The following ZNF385D variants were observed in gnomAD, a reference collection of about 807,000 sequenced individuals.
ZNF385D encodes zinc finger protein 659.
In ZNF385D, 15 loss-of-function variants were observed where a neutral mutation model predicts 35.8. That is an observed-to-expected ratio of 0.42 (90% CI 0.28 to 0.64). The LOEUF is 0.64. ZNF385D is among the 30% of genes least tolerant of loss of function. The pLI is 0.23. For missense variants in ZNF385D, 474 were observed against 494.6 expected, an observed-to-expected ratio of 0.96 and a Z score of 0.39; for synonymous variants, 212 against 186.8, an observed-to-expected ratio of 1.13 and a Z score of -1.10.
At chr3:22,329,238 G>A (rs1559523227) in intron 2 of ZNF385D, among the ~76,000 whole-genome samples, 1 of 150,296 alleles carries the variant, frequency 6.7e-6, no homozygotes, top group African/African-American at 2.4e-5. Context: ...GTGAGGTGTT[G>A]TTTATTTGAA....
intron 1 of ZNF385D, among the ~76,000 whole-genome samples, chr3:21,709,993 G>A (rs2068041142): frequency 6.6e-6 from 1 of 152,168 alleles, no homozygotes; most frequent in East Asian, 1.9e-4. Flanking sequence ...CACAAAACAT[G>A]GATGAATCTC....
At chr3:21,835,341 C>G (rs745785575) in intron 3 of ZNF385D, among the ~76,000 whole-genome samples, 3 of 151,674 alleles carry the variant, frequency 2.0e-5, no homozygotes, top group African/African-American at 7.3e-5. Flanking sequence ...AAATGGCTCA[C>G]GATCCTTCCA....
chr3:22,064,012 T>G lies in ZNF385D; in HGVS notation c.325+104805A>C, dbSNP rs79761123. On this transcript the variant is annotated intron_variant, in intron 3 of 5. Coordinates refer to the ZNF385D transcript ENST00000494108. ...TGTAAGCAAATATCCATCTCAGAATTTGCTTCCCAAGGAATCCAAATTGTG... is the reference window on the plus strand; with the variant it reads ...TGTAAGCAAATATCCATCTCAGAATGTGCTTCCCAAGGAATCCAAATTGTG... Among the ~76,000 whole-genome samples the G allele has an allele frequency of 1.6e-4, 24 of 152,332 alleles. No individual in the cohort carries two copies. In the East Asian group the frequency reaches 4.6e-3, roughly 29 times the overall value.
intron 2 of ZNF385D, among the ~76,000 whole-genome samples, chr3:22,295,623 G>C (rs911206424): frequency 6.6e-6 from 1 of 152,090 alleles, no homozygotes; most frequent in African/African-American, 2.4e-5. Context: ...GCTGAACTAG[G>C]TAAATGAGGT....
intron 3 of ZNF385D, among the ~76,000 whole-genome samples, chr3:21,820,558 T>G (rs189526364): frequency 6.6e-6 from 1 of 151,200 alleles, no homozygotes; most frequent in East Asian, 1.9e-4. Flanking sequence ...AATTAATAAT[T>G]TATGAATAGA....
intron 4 of ZNF385D, among the ~76,000 whole-genome samples, chr3:21,453,610 A>C (rs1282584812): frequency 6.6e-6 from 1 of 152,052 alleles, no homozygotes; most frequent in Non-Finnish European, 1.5e-5. Flanking sequence ...ACACACATGA[A>C]AAGATGCTCA....
intron 2 of ZNF385D, among the ~76,000 whole-genome samples, chr3:22,172,288 G>T (rs1197484951): frequency 3.9e-5 from 6 of 152,312 alleles, no homozygotes; most frequent in African/African-American, 1.4e-4. Context: ...TTGTGTGAGT[G>T]TGTTTTAATT....
intron 2 of ZNF385D, among the ~76,000 whole-genome samples, chr3:22,362,170 CT>C (rs1696440420): frequency 2.0e-5 from 3 of 151,568 alleles, no homozygotes; most frequent in East Asian, 1.9e-4. Flanking sequence ...TTTTTCCTGG[CT>C]TTTTTTGTAG....
intron 3 of ZNF385D, among the ~76,000 whole-genome samples, chr3:22,037,059 G>A (rs779614556): frequency 6.6e-5 from 10 of 151,944 alleles, no homozygotes; most frequent in Non-Finnish European, 1.3e-4. Flanking sequence ...TTTTATGGCT[G>A]CATAGTATTT....
intron 1 of ZNF385D, among the ~76,000 whole-genome samples, chr3:21,725,029 C>T (rs9884110): frequency 4.7e-4 from 71 of 152,322 alleles, no homozygotes; most frequent in African/African-American, 1.5e-3. Context: ...TTAAGAAACT[C>T]ACTCAAAACT....
intron 3 of ZNF385D, among the ~76,000 whole-genome samples, chr3:21,520,269 G>A (rs1465372748): frequency 6.6e-6 from 1 of 152,170 alleles, no homozygotes; most frequent in Admixed American, 6.5e-5. Context: ...AGGGTTAAAT[G>A]CCTGTTTCTC....
intron 3 of ZNF385D, among the ~76,000 whole-genome samples, chr3:21,855,176 G>A (rs1168805978): frequency 2.0e-5 from 3 of 151,920 alleles, no homozygotes; most frequent in Non-Finnish European, 4.4e-5. Flanking sequence ...ACAGCATATT[G>A]TTATTTTCTC....
chr3:21,853,524 A>G (rs1385428824), intron 3 of ZNF385D, among the ~76,000 whole-genome samples: 1 of 131,840 alleles, frequency 7.6e-6, no homozygotes, highest in South Asian at 2.5e-4. Flanking sequence ...TTTTTTTTTT[A>G]GTTCAAGAAT....
chr3:21,905,871 A>G (rs1699660555), intron 3 of ZNF385D, among the ~76,000 whole-genome samples: 1 of 152,298 alleles, frequency 6.6e-6, no homozygotes, highest in Admixed American at 6.5e-5. Flanking sequence ...GTATTTTAAC[A>G]AGATCAAAAC....
intron 3 of ZNF385D, among the ~76,000 whole-genome samples, chr3:21,533,324 T>C (rs1466639758): frequency 1.3e-5 from 2 of 152,116 alleles, no homozygotes; most frequent in Admixed American, 1.3e-4. Flanking sequence ...TACTAAGTGA[T>C]TGCTTCACAT....
At chr3:22,248,646 T>G (rs1699912409) in intron 2 of ZNF385D, among the ~76,000 whole-genome samples, 1 of 152,142 alleles carries the variant, frequency 6.6e-6, no homozygotes, top group Non-Finnish European at 1.5e-5. Flanking sequence ...CAACCTCTCT[T>G]AATCTCTTCT....
chr3:22,171,895 A>G (rs1223462003), intron 2 of ZNF385D, among the ~76,000 whole-genome samples: 1 of 120,956 alleles, frequency 8.3e-6, no homozygotes, highest in Non-Finnish European at 1.8e-5. Flanking sequence ...AAAAAAAAAA[A>G]AAAAAAATTA....
intron 3 of ZNF385D, among the ~76,000 whole-genome samples, chr3:21,541,132 A>C (rs535377720): frequency 1.3e-5 from 2 of 152,316 alleles, no homozygotes; most frequent in African/African-American, 2.4e-5. Context: ...AATTCTGATA[A>C]GTCATCTAAG....
At chr3:22,339,451 A>T (rs745382178) in intron 2 of ZNF385D, among the ~76,000 whole-genome samples, 5 of 152,220 alleles carry the variant, frequency 3.3e-5, no homozygotes, top group Non-Finnish European at 5.9e-5. Flanking sequence ...AATTAGCCAC[A>T]TCTCTACCAT....
Sources: gnomAD v4.1 joint callset for allele counts (sites outside exome capture counted in the v4.1 genomes callset) on GRCh38, gnomAD v4.1.1 for gene constraint, MANE v1.5 for transcripts, NCBI Gene and HGNC (gene_info 2026-07-23, HGNC 2026-07-21) for gene names.